Variants in DNAH11 observed in about 807,000 individuals in gnomAD.
DNAH11 encodes axonemal beta dynein heavy chain 11.
Under a neutral mutation model 526.0 loss-of-function variants are expected in DNAH11, and 442 were observed. The ratio of observed to expected loss-of-function variants is 0.84; its 90% CI spans 0.78 to 0.91. The LOEUF (loss-of-function observed/expected upper bound fraction) is 0.91, where lower values mean the gene tolerates loss of function less well. Ranked by LOEUF, DNAH11 falls within the 40% of genes least tolerant of loss-of-function variation. The probability of loss-of-function intolerance (pLI) is 0.00; values close to 1 mark genes in which losing one functional copy is unlikely to be tolerated. For synonymous variants in DNAH11, 2,461 were observed against 1,935.9 expected (o/e 1.27, Z -7.12); for missense variants, 6,989 against 5,448.7 (o/e 1.28, Z -8.90).
chr7:21,818,670 C>G (rs1286992851), intron 65 of DNAH11, among the ~76,000 whole-genome samples: 1 of 152,134 alleles, frequency 6.6e-6, no homozygotes, highest in Non-Finnish European at 1.5e-5. Flanking sequence ...ATAGGGCTGC[C>G]TATCTACATA....
In DNAH11 at chr7:21,572,929, G is replaced by GC. The variant is rs1453461855; in HGVS notation, c.1593+957dup. 7.9e-5 allele frequency among the ~76,000 whole-genome samples: 12 copies of GC among 152,274 alleles called. 1 individual carries two copies. In the East Asian group the frequency reaches 2.1e-3, roughly 27 times the overall value. ...TCCCCAAAGCCTTGTAAGATGCCTG[G>GC]CACTTGGAAGGCATTCAATAAATAC... On this transcript the variant is annotated intron_variant, in intron 8 of 81. Transcript: ENST00000409508.
intron 6 of DNAH11, among the ~76,000 whole-genome samples, chr7:21,567,944 A>G (rs1424431924): frequency 6.6e-6 from 1 of 152,110 alleles, no homozygotes; most frequent in Non-Finnish European, 1.5e-5. Context: ...ACCACTCTAG[A>G]CACTACGTTG....
chr7:21,621,772 A>G (rs1284352529), intron 25 of DNAH11, among the ~76,000 whole-genome samples: 2 of 152,036 alleles, frequency 1.3e-5, no homozygotes, highest in African/African-American at 4.8e-5. Context: ...AAATTCAACA[A>G]CCTTCATGCT....
intron 75 of DNAH11, among the ~76,000 whole-genome samples, chr7:21,882,937 T>C (rs7350056): frequency 0.25 from 37,971 of 152,132 alleles, 5,035 homozygotes; most frequent in Non-Finnish European, 0.3. Context: ...CTGAAATGTG[T>C]TGCAAGCATC....
chr7:21,606,389 T>G, intron 18 of DNAH11, 37 bp from the exon 19 acceptor site: 2 of 1,482,010 alleles, frequency 1.3e-6, no homozygotes, highest in African/African-American at 1.4e-5. Context: ...GTTTTAGGAA[T>G]TGAAGTAATT....
chr7:21,812,030 G>T (rs544949743), intron 63 of DNAH11, among the ~76,000 whole-genome samples: 1 of 152,056 alleles, frequency 6.6e-6, no homozygotes, highest in East Asian at 1.9e-4. Context: ...TAATCTTCCC[G>T]GGTGATTCTG....
intron 73 of DNAH11, among the ~76,000 whole-genome samples, chr7:21,869,295 A>T (rs1783409673): frequency 6.6e-6 from 1 of 152,188 alleles, no homozygotes; most frequent in African/African-American, 2.4e-5. Flanking sequence ...GAGAACACGC[A>T]GGCTTGTTTA....
intron 74 of DNAH11, among the ~76,000 whole-genome samples, chr7:21,877,804 G>T (rs1363415168): frequency 6.9e-6 from 1 of 144,218 alleles, no homozygotes; most frequent in Non-Finnish European, 1.5e-5. Flanking sequence ...GAACCCGGGA[G>T]GCAGAGGTTG....
chr7:21,602,294 A>G (rs1256518533), intron 18 of DNAH11, among the ~76,000 whole-genome samples: 2 of 152,158 alleles, frequency 1.3e-5, no homozygotes, highest in African/African-American at 4.8e-5. Context: ...AGCTGAGATC[A>G]CACCACTGCA....
At chr7:21,885,569 A>G (rs576128471) in intron 76 of DNAH11, among the ~76,000 whole-genome samples, 1 of 152,256 alleles carries the variant, frequency 6.6e-6, no homozygotes, top group Non-Finnish European at 1.5e-5. Flanking sequence ...GTAGTCAACA[A>G]TACAATATTG....
At chr7:21,900,979 A>G in intron 81 of DNAH11, 28 bp from the exon 82 acceptor site, 1 of 1,543,458 alleles carries the variant, frequency 6.5e-7, no homozygotes, top group South Asian at 1.3e-5. Flanking sequence ...GCTGCCACAC[A>G]ATTGCAACCG....
intron 25 of DNAH11, among the ~76,000 whole-genome samples, chr7:21,623,481 T>C (rs376151526): frequency 6.6e-6 from 1 of 152,138 alleles, no homozygotes. Context: ...ACCCAAAGGA[T>C]TATAAATCAT....
intron 2 of DNAH11, among the ~76,000 whole-genome samples, chr7:21,546,540 C>G (rs188432706): frequency 1.3e-5 from 2 of 152,230 alleles, no homozygotes; most frequent in East Asian, 3.9e-4. Flanking sequence ...AGATACAAGC[C>G]TTTTTCAAAT....
In DNAH11 at chr7:21,704,462, A is replaced by G. The variant is rs201618995; in HGVS notation, c.6302A>G (p.Asn2101Ser). 575 of 1,613,690 alleles carry G rather than the reference A, an allele frequency of 3.6e-4. 1 individual carries two copies. Among genetic ancestry groups the G allele is most frequent in the South Asian group, 2.6e-3 (236 of 91,030 alleles). The change falls in exon 38 of 82, where the codon AAT (asparagine) becomes AGT (serine). Residue 2101 changes from asparagine (N) to serine (S), a missense_variant. Transcript: ENST00000409508. ...CTCATGAGAGCATTAAGGGATTTCA[A>G]TATGCCCAAAATAGTGACTGACGAC... ...QVLMRALRDFNMPKIVTDDIP... is the reference protein window; with the variant it reads ...QVLMRALRDFSMPKIVTDDIP...
At chr7:21,843,712 C>T (rs994188324) in intron 66 of DNAH11, among the ~76,000 whole-genome samples, 1 of 151,934 alleles carries the variant, frequency 6.6e-6, no homozygotes, top group Non-Finnish European at 1.5e-5. Flanking sequence ...AACTCCTCAC[C>T]TTGTGATCCT....
At chr7:21,885,154 T>G (rs1784079718) in intron 76 of DNAH11, among the ~76,000 whole-genome samples, 1 of 101,870 alleles carries the variant, frequency 9.8e-6, no homozygotes, top group Non-Finnish European at 2.2e-5. Flanking sequence ...TATTTGGATC[T>G]TGTTCCAAAT....
chr7:21,776,807 C>G (rs1787688346), intron 56 of DNAH11, among the ~76,000 whole-genome samples: 1 of 152,158 alleles, frequency 6.6e-6, no homozygotes, highest in Non-Finnish European at 1.5e-5. Context: ...AAGCATAGTA[C>G]AGACAGGTCC....
intron 81 of DNAH11, among the ~76,000 whole-genome samples, chr7:21,900,361 G>A (rs1784727900): frequency 9.8e-6 from 1 of 102,400 alleles, no homozygotes; most frequent in Non-Finnish European, 2.5e-5. Context: ...GGATGTTAAT[G>A]CCACTGAATA....
chr7:21,672,785 G>A (rs1228694280), intron 30 of DNAH11, among the ~76,000 whole-genome samples: 1 of 152,122 alleles, frequency 6.6e-6, no homozygotes, highest in African/African-American at 2.4e-5. Context: ...TCACGGTATG[G>A]CCTCTTTCTA....
Sources: allele counts gnomAD v4.1 joint callset (sites outside exome capture counted in the v4.1 genomes callset), GRCh38; gene constraint gnomAD v4.1.1; transcripts MANE v1.5; gene names NCBI Gene and HGNC (gene_info 2026-07-23, HGNC 2026-07-21).